The following NETO1 variants were observed in gnomAD, a reference collection of about 807,000 sequenced individuals.
NETO1 encodes the protein neuropilin and tolloid like 1, also known as neuropilin and tolloid-like protein 1.
Under a neutral mutation model 61.3 loss-of-function variants are expected in NETO1, and 26 were observed. The ratio of observed to expected loss-of-function variants is 0.42; its 90% CI spans 0.31 to 0.59. The LOEUF is 0.59. Among genes scored for constraint, NETO1 ranks in the 20% least tolerant of loss-of-function variants. The pLI is 0.12. For missense variants in NETO1, 531 were observed against 662.8 expected, an observed-to-expected ratio of 0.80 and a Z score of 2.18; for synonymous variants, 225 against 225.8, an observed-to-expected ratio of 1.00 and a Z score of 0.03.
chr18:72,778,664 A>G (rs1026958846), intron 7 of NETO1, among the ~76,000 whole-genome samples: 2 of 152,184 alleles, frequency 1.3e-5, no homozygotes, highest in African/African-American at 4.8e-5. Context: ...TTGAAAGCTC[A>G]TCAAAACGAC....
intron 4 of NETO1, among the ~76,000 whole-genome samples, chr18:72,827,341 T>A (rs1451730693): frequency 6.6e-6 from 1 of 152,086 alleles, no homozygotes; most frequent in Non-Finnish European, 1.5e-5. Context: ...CAGGCCTCCA[T>A]GTACTCAGCA....
chr18:72,865,200 T>C lies in NETO1; in HGVS notation c.70A>G (p.Lys24Glu), dbSNP rs2074698495. The change falls in exon 2 of 11, where the codon AAG becomes GAG. Residue 24 changes from lysine (K) to glutamate (E), a missense_variant. Lys to Glu is a moderately conservative substitution (Grantham distance 56). Coordinates refer to ENST00000327305, the MANE Select transcript of NETO1 (RefSeq NM_138966.5). ...LIILHLSGAT[K>E]KGTEKQTTSE... is the part of the protein sequence containing the mutation. Reference sequence around the variant, plus strand: ...TAAGTAAACACACCTGTTCCTTTCTTGGTTGCCCCAGACAAATGGAGGATG... The same window carrying C: ...TAAGTAAACACACCTGTTCCTTTCTCGGTTGCCCCAGACAAATGGAGGATG... 1 of 1,613,068 alleles carries C rather than the reference T, an allele frequency of 6.2e-7. No homozygotes were observed. The highest frequency in any genetic ancestry group is 1.3e-5 in the African/African-American group (1 of 74,880).
intron 4 of NETO1, among the ~76,000 whole-genome samples, chr18:72,815,094 A>G (rs1322950271): frequency 6.6e-6 from 1 of 152,168 alleles, no homozygotes; most frequent in African/African-American, 2.4e-5. Context: ...GGCAGCATCT[A>G]TCTTGGTGAT....
chr18:72,866,961 C>A, intron 1 of NETO1: 1 of 407,388 alleles, frequency 2.5e-6, no homozygotes, highest in Non-Finnish European at 4.2e-6. Flanking sequence ...CTCGCTTGGG[C>A]CAATCTCTGC....
Position 72,812,750 on chromosome 18 carries a change from C to A in NETO1, c.470-18346G>T, listed in dbSNP as rs1190672651. Among the ~76,000 whole-genome samples, 2 of 152,080 alleles carry A rather than the reference C, an allele frequency of 1.3e-5. 1 individual carries two copies. Among genetic ancestry groups the A allele is most frequent in the Non-Finnish European group, 2.9e-5 (2 of 68,008 alleles). Reference sequence around the variant, plus strand: ...CAACTTCTTCCGAAATATTCAGTTTCTCCTATAAATAACTCATAAAACTTG... The same window carrying A: ...CAACTTCTTCCGAAATATTCAGTTTATCCTATAAATAACTCATAAAACTTG... On this transcript the variant is annotated intron_variant, in intron 4 of 10. Coordinates refer to ENST00000327305, the MANE Select transcript of NETO1 (RefSeq NM_138966.5).
intron 6 of NETO1, among the ~76,000 whole-genome samples, chr18:72,788,664 T>C (rs1398373285): frequency 1.3e-5 from 2 of 152,116 alleles, no homozygotes; most frequent in Non-Finnish European, 2.9e-5. Flanking sequence ...TAATCAATCA[T>C]AAAGAGTTGG....
rs1336028573 is a variant in NETO1, at chr18:72,867,311, G to T, written c.-20C>A. The T allele has an allele frequency of 6.4e-7, 1 of 1,562,138 alleles. No homozygotes were observed. Among genetic ancestry groups the T allele is most frequent in the Non-Finnish European group, 8.7e-7 (1 of 1,154,020 alleles). On this transcript the variant is annotated 5_prime_UTR_variant, in exon 1 of 11. Coordinates refer to ENST00000327305, the MANE Select transcript of NETO1 (RefSeq NM_138966.5). ...GATCATGTCTGTGCGTTACACCAGAGGCTCCGGGCTCCACTAATTCCATTT... is the reference window on the plus strand; with the variant it reads ...GATCATGTCTGTGCGTTACACCAGATGCTCCGGGCTCCACTAATTCCATTT...
chr18:72,841,460 C>G (rs186475735), intron 4 of NETO1, among the ~76,000 whole-genome samples: 2 of 152,042 alleles, frequency 1.3e-5, no homozygotes, highest in Admixed American at 1.3e-4. Flanking sequence ...TGGCCGGGTG[C>G]GGTGGCTCAC....
rs183017979 is a variant in NETO1 at position 72,764,556 on chromosome 18, G to A, written c.869-8409C>T. ...CCTTATTTCCTCTGTCCTCTCTCTC[G>A]GCAATTTTCATCAGACACAGAGCCC... is the stretch of plus-strand genomic sequence containing the variant. On this transcript the variant is annotated intron_variant, in intron 7 of 10. Transcript: ENST00000327305. 9.4e-4 allele frequency among the ~76,000 whole-genome samples: 143 copies of A among 151,918 alleles called. 2 individuals carry two copies. The Middle Eastern group carries it at 0.01, about 11-fold the overall frequency.
At chr18:72,742,807 CA>C (rs2070363509), downstream of NETO1, 1 of 152,088 alleles carries the variant, frequency 6.6e-6, no homozygotes, top group African/African-American at 2.4e-5. Flanking sequence ...ATTAATTAGT[CA>C]TAGAATTGCT....
chr18:72,810,835 A>AT (rs1273509238), intron 4 of NETO1, among the ~76,000 whole-genome samples: 2 of 152,116 alleles, frequency 1.3e-5, no homozygotes, highest in African/African-American at 4.8e-5. Context: ...TCAATATCAT[A>AT]TTTTTTAGGT....
chr18:72,765,944 C>G (rs2071138921), intron 7 of NETO1, among the ~76,000 whole-genome samples: 1 of 152,100 alleles, frequency 6.6e-6, no homozygotes, highest in Non-Finnish European at 1.5e-5. Context: ...CAGTGGCTAA[C>G]ATCTGTAATA....
chr18:72,795,887 T>C (rs749563595), intron 4 of NETO1, among the ~76,000 whole-genome samples: 45 of 152,200 alleles, frequency 3.0e-4, no homozygotes, highest in Admixed American at 5.2e-4. Flanking sequence ...TTTTTGCTTT[T>C]TGAATAACAC....
At chr18:72,828,373 C>T (rs2073457327) in intron 4 of NETO1, among the ~76,000 whole-genome samples, 1 of 151,820 alleles carries the variant, frequency 6.6e-6, no homozygotes, top group East Asian at 1.9e-4. Flanking sequence ...TACATGAGAG[C>T]TAGCAGAAGC....
At chr18:72,841,710 G>C (rs953573496) in intron 4 of NETO1, among the ~76,000 whole-genome samples, 7 of 111,776 alleles carry the variant, frequency 6.3e-5, no homozygotes, top group African/African-American at 2.4e-4. Flanking sequence ...CTCCAGCCTG[G>C]GAGACAGAGT....
At chr18:72,834,777 T>C (rs949906974) in intron 4 of NETO1, 6 of 984,930 alleles carry the variant, frequency 6.1e-6, no homozygotes, top group African/African-American at 1.7e-5. Context: ...TCCCAGTCCA[T>C]GGCGATAAGA....
intron 4 of NETO1, among the ~76,000 whole-genome samples, chr18:72,854,159 G>A (rs1405560387): frequency 6.6e-6 from 1 of 152,088 alleles, no homozygotes; most frequent in African/African-American, 2.4e-5. Flanking sequence ...AGCTTGAGAG[G>A]TGGCTAGGAG....
At chr18:72,819,232 G>A (rs2073118900) in intron 4 of NETO1, among the ~76,000 whole-genome samples, 1 of 151,954 alleles carries the variant, frequency 6.6e-6, no homozygotes, top group Non-Finnish European at 1.5e-5. Context: ...CTGTTTTGTG[G>A]CATCATGTTC....
rs142643577 is a variant in NETO1, at chr18:72,786,368, G to A, written c.640-2462C>T. 1.0e-3 allele frequency among the ~76,000 whole-genome samples: 159 copies of A among 152,312 alleles called. 1 individual carries two copies. The East Asian group carries it at 0.028, about 27-fold the overall frequency. On this transcript the variant is annotated intron_variant, in intron 6 of 10. Coordinates refer to ENST00000327305, the MANE Select transcript of NETO1 (RefSeq NM_138966.5). ...TGAGGAAATCCAGACACAATTTGAT[G>A]AGAAAGAACAAAATCAGAGAAATGT...
Sources: allele counts gnomAD v4.1 joint callset (sites outside exome capture counted in the v4.1 genomes callset), GRCh38; gene constraint gnomAD v4.1.1; transcripts MANE v1.5; gene names NCBI Gene and HGNC (gene_info 2026-07-23, HGNC 2026-07-21).